Variants in ABCB1 observed in about 807,000 individuals in gnomAD.
ABCB1 encodes the protein ATP binding cassette subfamily B member 1.
In ABCB1, 69 loss-of-function variants were observed where a neutral mutation model predicts 142.0. The observed-to-expected ratio is 0.49, with a 90% confidence interval of 0.40 to 0.59. The LOEUF (loss-of-function observed/expected upper bound fraction) is 0.59, where lower values mean the gene tolerates loss of function less well. ABCB1 is among the 20% of genes least tolerant of loss of function. The pLI is 0.00. For synonymous variants in ABCB1, 532 were observed against 539.2 expected, an observed-to-expected ratio of 0.99 and a Z score of 0.18; for missense variants, 1,326 against 1,554.7, an observed-to-expected ratio of 0.85 and a Z score of 2.47.
intron 4 of ABCB1, 143 bp from the exon 5 acceptor site, chr7:87,570,366 C>A: frequency 1.2e-6 from 1 of 801,128 alleles, no homozygotes; most frequent in Non-Finnish European, 2.1e-6. Context: ...TGTGTGTAAG[C>A]ATTATGGCAT....
chr7:87,663,750 G>T (rs377221747), intron 1 of ABCB1, among the ~76,000 whole-genome samples: 3 of 152,118 alleles, frequency 2.0e-5, no homozygotes, highest in African/African-American at 7.2e-5. Flanking sequence ...TTAAGTAACA[G>T]AAATTTATTT....
At chr7:87,511,161 C>A (rs1029665623) in intron 25 of ABCB1, among the ~76,000 whole-genome samples, 2 of 152,128 alleles carry the variant, frequency 1.3e-5, no homozygotes, top group Non-Finnish European at 2.9e-5. Context: ...TATTTAAAAC[C>A]TGTGTTGACT....
At chr7:87,553,006 C>T (rs1817146969) in intron 9 of ABCB1, among the ~76,000 whole-genome samples, 1 of 152,092 alleles carries the variant, frequency 6.6e-6, no homozygotes, top group Non-Finnish European at 1.5e-5. Flanking sequence ...AACTTCCAAA[C>T]AATCTTTTAG....
At chr7:87,603,004 G>A, upstream of ABCB1, 1 of 152,142 alleles carries the variant, frequency 6.6e-6, no homozygotes, top group East Asian at 1.9e-4. Context: ...CATTCAAGCG[G>A]TGATATTTCC....
chr7:87,678,368 G>T (rs1826586175), intron 1 of ABCB1, among the ~76,000 whole-genome samples: 1 of 152,024 alleles, frequency 6.6e-6, no homozygotes, highest in South Asian at 2.1e-4. Flanking sequence ...GGAACTATGT[G>T]GTTATATATA....
At chr7:87,635,697 G>A (rs1473654027) in intron 1 of ABCB1, among the ~76,000 whole-genome samples, 1 of 152,126 alleles carries the variant, frequency 6.6e-6, no homozygotes, top group African/African-American at 2.4e-5. Flanking sequence ...TTGTGGTAGG[G>A]CACAATGTTG....
intron 2 of ABCB1, 95 bp from the exon 3 acceptor site, chr7:87,595,909 G>C: frequency 1.0e-6 from 1 of 956,540 alleles, no homozygotes; most frequent in South Asian, 1.4e-5. Flanking sequence ...ATGACTAATA[G>C]GAAGAAGAAA....
intron 1 of ABCB1, among the ~76,000 whole-genome samples, chr7:87,642,029 G>C (rs1247577248): frequency 6.6e-6 from 1 of 151,762 alleles, no homozygotes; most frequent in African/African-American, 2.4e-5. Context: ...TTTATACGTG[G>C]ACGATATGCT....
intron 1 of ABCB1, among the ~76,000 whole-genome samples, chr7:87,645,156 C>T (rs1247128184): frequency 2.0e-5 from 3 of 148,876 alleles, no homozygotes; most frequent in Non-Finnish European, 4.4e-5. Context: ...GATCTCGGAT[C>T]ACTGCAACCT....
intron 21 of ABCB1, among the ~76,000 whole-genome samples, chr7:87,527,542 T>A (rs1005173213): frequency 4.6e-5 from 7 of 152,200 alleles, no homozygotes; most frequent in African/African-American, 1.7e-4. Flanking sequence ...TTTCCTGTAA[T>A]GTCATGACTT....
At chr7:87,593,083 TGC>T (rs1236479245) in intron 3 of ABCB1, among the ~76,000 whole-genome samples, 2 of 152,102 alleles carry the variant, frequency 1.3e-5, no homozygotes, top group Non-Finnish European at 2.9e-5. Context: ...TGTGCCACCA[TGC>T]CCAGCTAATT....
intron 23 of ABCB1, 98 bp downstream of exon 23, chr7:87,519,228 T>C (rs111793071): frequency 2.5e-6 from 3 of 1,221,540 alleles, no homozygotes; most frequent in African/African-American, 3.0e-5. Flanking sequence ...CCAGAATCTC[T>C]TCATGAGGCT....
Position 87,544,816 on chromosome 7 carries a change from T to G in ABCB1, c.2064+7A>C. 1 of 1,613,950 alleles carries G rather than the reference T, an allele frequency of 6.2e-7. No individual in the cohort carries two copies. The highest frequency in any genetic ancestry group is 1.7e-5 in the Admixed American group (1 of 60,018). On this transcript the variant is annotated splice_region_variant and intron_variant, in intron 16 of 27. Transcript: ENST00000622132. ...GATTAAAACAAACTCCGCATCTCCC[T>G]TCATACCAGAGCCTCTTTGGTACTA...
rs1284506720 is a variant in ABCB1 at position 87,626,413 on chromosome 7, T to C, written c.-330-25335A>G. On this transcript the variant is annotated intron_variant, in intron 1 of 28. Coordinates refer to the ABCB1 transcript ENST00000265724. ...ATATATGTGTCATATGTATGTGTCA[T>C]ATATATGTGTCATATGTATGTGTCA... Among the ~76,000 whole-genome samples the C allele has an allele frequency of 9.1e-5, 2 of 21,942 alleles. 1 individual carries two copies. Among genetic ancestry groups the C allele is most frequent in the Non-Finnish European group, 1.3e-4 (2 of 15,564 alleles). 14.4% of individuals were successfully genotyped at this position (21,942 alleles called of 152,430 possible).
At chr7:87,618,678 G>C (rs922698399) in intron 1 of ABCB1, among the ~76,000 whole-genome samples, 7 of 152,314 alleles carry the variant, frequency 4.6e-5, no homozygotes, top group African/African-American at 1.7e-4. Context: ...GCAAAGCAAA[G>C]GGATCTTGCA....
intron 1 of ABCB1, among the ~76,000 whole-genome samples, chr7:87,654,099 A>C (rs1823841828): frequency 6.6e-6 from 1 of 152,088 alleles, no homozygotes; most frequent in African/African-American, 2.4e-5. Flanking sequence ...AAGTGGAAAG[A>C]TATATGTGTT....
chr7:87,567,587 T>C (rs1584887484), intron 5 of ABCB1, among the ~76,000 whole-genome samples: 3 of 152,202 alleles, frequency 2.0e-5, no homozygotes, highest in East Asian at 3.9e-4. Flanking sequence ...AGAGTTTAGA[T>C]GCCAAGAGAC....
chr7:87,572,062 A>G (rs1818078582), intron 4 of ABCB1, among the ~76,000 whole-genome samples: 1 of 152,252 alleles, frequency 6.6e-6, no homozygotes, highest in Non-Finnish European at 1.5e-5. Flanking sequence ...TATTTAAATC[A>G]GTTGTGAGAT....
intron 1 of ABCB1, among the ~76,000 whole-genome samples, chr7:87,674,493 CACAT>C (rs892276889): frequency 6.6e-6 from 1 of 152,090 alleles, no homozygotes; most frequent in Non-Finnish European, 1.5e-5. Context: ...AGGGTGCACA[CACAT>C]ACATGTACCA....
Sources: allele counts gnomAD v4.1 joint callset (sites outside exome capture counted in the v4.1 genomes callset), GRCh38; gene constraint gnomAD v4.1.1; transcripts MANE v1.5; gene names NCBI Gene and HGNC (gene_info 2026-07-23, HGNC 2026-07-21).